Variants in OSBPL10 observed in about 807,000 individuals in gnomAD.
OSBPL10 encodes oxysterol binding protein like 10.
Under a neutral mutation model 81.7 loss-of-function variants are expected in OSBPL10, and 49 were observed. The observed-to-expected ratio is 0.60, with a 90% CI of 0.48 to 0.76. The LOEUF is 0.76. Among genes scored for constraint, OSBPL10 ranks in the 30% least tolerant of loss-of-function variants. OSBPL10 has a pLI of 0.00. For missense variants in OSBPL10, 923 were observed against 987.8 expected (o/e 0.93, Z 0.88); for synonymous variants, 419 against 383.6 (o/e 1.09, Z -1.08).
At chr3:31,723,539 T>TTTAC (rs1553618056) in intron 6 of OSBPL10, among the ~76,000 whole-genome samples, 3 of 125,038 alleles carry the variant, frequency 2.4e-5, no homozygotes, top group African/African-American at 3.8e-5. Flanking sequence ...CTCTGTTTCT[T>TTTAC]ACACACACAC....
chr3:32,015,134 C>G (rs1699301328), intron 2 of OSBPL10, among the ~76,000 whole-genome samples: 1 of 152,152 alleles, frequency 6.6e-6, no homozygotes, highest in South Asian at 2.1e-4. Context: ...GCCTGCATTG[C>G]TAAGTCAATC....
chr3:31,954,162 C>T (rs952555210), intron 1 of OSBPL10, among the ~76,000 whole-genome samples: 1 of 152,226 alleles, frequency 6.6e-6, no homozygotes. Flanking sequence ...TTTGCTCCTT[C>T]TGCACATGAA....
Position 31,675,364 on chromosome 3 carries a change from G to A in OSBPL10, c.1727-4381C>T, listed in dbSNP as rs570624723. ...TGTTTTTTCATGGAGAATATGCCACGACTTTTTTTAAGACCTGGATGAAAT... is the reference window on the plus strand; with the variant it reads ...TGTTTTTTCATGGAGAATATGCCACAACTTTTTTTAAGACCTGGATGAAAT... On this transcript the variant is annotated intron_variant, in intron 8 of 11. Transcript: ENST00000396556. Among the ~76,000 whole-genome samples the A allele has an allele frequency of 4.6e-5, 7 of 152,186 alleles. No homozygotes were observed. In the South Asian group the frequency reaches 8.3e-4, roughly 18 times the overall value.
At chr3:31,921,259 G>T (rs1696904260) in intron 1 of OSBPL10, among the ~76,000 whole-genome samples, 1 of 152,038 alleles carries the variant, frequency 6.6e-6, no homozygotes, top group South Asian at 2.1e-4. Flanking sequence ...TGTCAGCTAA[G>T]AGGACCTAAA....
At chr3:31,669,131 GA>G (rs970485477) in intron 9 of OSBPL10, among the ~76,000 whole-genome samples, 3 of 151,978 alleles carry the variant, frequency 2.0e-5, no homozygotes, top group African/African-American at 4.8e-5. Context: ...GGCAATTCAA[GA>G]AAAAATAAGT....
Position 31,909,775 on chromosome 3 carries a change from T to A in OSBPL10, c.282-29945A>T, listed in dbSNP as rs188574927. 1.3e-3 allele frequency among the ~76,000 whole-genome samples: 191 copies of A among 152,220 alleles called. 2 individuals are homozygous for A. The highest frequency in any genetic ancestry group is 4.4e-3 in the African/African-American group (182 of 41,532). On this transcript the variant is annotated intron_variant, in intron 1 of 11. Transcript: ENST00000396556. ...CATGGGAAACACATGCGACTTTGCC[T>A]TTAGGAACCCACATGAATCTACTAG...
At chr3:31,664,367 T>C in intron 10 of OSBPL10, 135 bp from the exon 11 acceptor site, 1 of 785,778 alleles carries the variant, frequency 1.3e-6, no homozygotes, top group Non-Finnish European at 2.0e-6. Context: ...CCCAGATACC[T>C]CAAAGACCCC....
At chr3:31,965,697 T>A (rs866850980) in intron 1 of OSBPL10, among the ~76,000 whole-genome samples, 2 of 48,916 alleles carry the variant, frequency 4.1e-5, no homozygotes, top group Admixed American at 4.2e-4. Context: ...ATAAAATATA[T>A]AATATATTAT....
intron 11 of OSBPL10, chr3:31,663,598 C>A: frequency 9.7e-7 from 1 of 1,027,552 alleles, no homozygotes. Flanking sequence ...TGGCCTTCCC[C>A]TGCATGACTA....
intron 4 of OSBPL10, among the ~76,000 whole-genome samples, chr3:31,816,860 C>A (rs1699847246): frequency 6.6e-6 from 1 of 152,156 alleles, no homozygotes; most frequent in African/African-American, 2.4e-5. Context: ...GGTGGCTCCT[C>A]TCTGCCAGTA....
intron 2 of OSBPL10, among the ~76,000 whole-genome samples, chr3:31,995,009 G>T (rs1439419007): frequency 6.6e-6 from 1 of 152,182 alleles, no homozygotes; most frequent in Admixed American, 6.5e-5. Context: ...ATTTCAAAAG[G>T]GGAAGGGGTA....
intron 1 of OSBPL10, among the ~76,000 whole-genome samples, chr3:32,070,901 G>A (rs1004309084): frequency 1.3e-5 from 2 of 152,096 alleles, no homozygotes; most frequent in Non-Finnish European, 2.9e-5. Context: ...GACTGACCCT[G>A]ACACCCATCA....
intron 8 of OSBPL10, among the ~76,000 whole-genome samples, chr3:31,678,812 G>C (rs1281672408): frequency 2.6e-5 from 4 of 151,406 alleles, no homozygotes; most frequent in Non-Finnish European, 5.9e-5. Context: ...GTGTGTGTGT[G>C]TGTGTGTGTG....
intron 1 of OSBPL10, among the ~76,000 whole-genome samples, chr3:32,050,409 C>T (rs901572700): frequency 6.6e-6 from 1 of 152,146 alleles, no homozygotes; most frequent in Admixed American, 6.5e-5. Flanking sequence ...TTTGTTGATT[C>T]TCTTCTCCTC....
At chr3:31,969,456 T>C (rs774849607) in intron 1 of OSBPL10, 1 of 151,934 alleles carries the variant, frequency 6.6e-6, no homozygotes, top group African/African-American at 2.4e-5. Flanking sequence ...ACACAACCCA[T>C]GCACAGAAAG....
intron 3 of OSBPL10, among the ~76,000 whole-genome samples, chr3:31,863,693 AC>A: frequency 6.6e-6 from 1 of 152,298 alleles, no homozygotes; most frequent in Non-Finnish European, 1.5e-5. Context: ...GTTCCTTATG[AC>A]TATTAGTTTC....
chr3:31,917,672 T>G (rs1054252507), intron 1 of OSBPL10, among the ~76,000 whole-genome samples: 2 of 147,614 alleles, frequency 1.4e-5, no homozygotes, highest in Non-Finnish European at 3.0e-5. Context: ...AGGTACAAAC[T>G]GATCTAGTAT....
chr3:31,862,420 A>ATT (rs1701078459), intron 3 of OSBPL10, among the ~76,000 whole-genome samples: 1 of 152,218 alleles, frequency 6.6e-6, no homozygotes, highest in African/African-American at 2.4e-5. Context: ...TTGAAATAAA[A>ATT]GATGTCTGCG....
chr3:31,792,599 G>C (rs1176279739), intron 4 of OSBPL10, among the ~76,000 whole-genome samples: 1 of 151,676 alleles, frequency 6.6e-6, no homozygotes, highest in Non-Finnish European at 1.5e-5. Context: ...ATTGGTGTAT[G>C]AGGGTGTGTG....
Sources: allele counts gnomAD v4.1 joint callset (sites outside exome capture counted in the v4.1 genomes callset), GRCh38; gene constraint gnomAD v4.1.1; transcripts MANE v1.5; gene names NCBI Gene and HGNC (gene_info 2026-07-23, HGNC 2026-07-21).